The following GNB4 variants were observed in gnomAD, a reference collection of about 807,000 sequenced individuals.
The protein encoded by GNB4 is guanine nucleotide-binding protein subunit beta-4.
In GNB4, 28 loss-of-function variants were observed where a neutral mutation model predicts 45.2. The ratio of observed to expected loss-of-function variants is 0.62; its 90% CI spans 0.46 to 0.85. The LOEUF is 0.85. Among genes scored for constraint, GNB4 ranks in the 40% least tolerant of loss-of-function variants. GNB4 has a pLI of 0.00. For synonymous variants in GNB4, 132 were observed against 143.7 expected (o/e 0.92, Z 0.58); for missense variants, 321 against 425.4 (o/e 0.75, Z 2.16).
At chr3:179,505,957 A>G in the GNB4 span, among the ~76,000 whole-genome samples, 1 of 152,230 alleles carries the variant, frequency 6.6e-6, no homozygotes, top group East Asian at 1.9e-4. Flanking sequence ...GGTGTTTGTT[A>G]CTGCTGCACA....
chr3:179,404,833 C>T (rs1031405300), intron 9 of GNB4, among the ~76,000 whole-genome samples: 1 of 152,110 alleles, frequency 6.6e-6, no homozygotes, highest in African/African-American at 2.4e-5. Context: ...CTGTCCCATA[C>T]AAGATCTGCT....
the GNB4 span, among the ~76,000 whole-genome samples, chr3:179,488,508 G>C: frequency 6.6e-6 from 1 of 152,234 alleles, no homozygotes; most frequent in East Asian, 1.9e-4. Flanking sequence ...TACACTTCCT[G>C]CCTATAGGTT....
the GNB4 span, among the ~76,000 whole-genome samples, chr3:179,457,246 T>C: frequency 6.6e-6 from 1 of 152,226 alleles, no homozygotes; most frequent in Non-Finnish European, 1.5e-5. Flanking sequence ...TTCCTCTAAA[T>C]GGACCAGGAT....
chr3:179,415,979 A>G (rs1343302501), intron 5 of GNB4, among the ~76,000 whole-genome samples: 3 of 145,840 alleles, frequency 2.1e-5, no homozygotes, highest in Non-Finnish European at 3.1e-5. Context: ...TCACCACTCA[A>G]CTATTTTAAA....
chr3:179,511,035 G>T, the GNB4 span, among the ~76,000 whole-genome samples: 1 of 152,150 alleles, frequency 6.6e-6, no homozygotes, highest in East Asian at 1.9e-4. Flanking sequence ...CCACTGCCAT[G>T]GGAGGTGTGT....
In GNB4 at chr3:179,397,313, A is replaced by G. The variant is rs1398301067; in HGVS notation, c.*3900T>C. On this transcript the variant is annotated 3_prime_UTR_variant, in exon 10 of 10. Coordinates refer to ENST00000232564, the MANE Select transcript of GNB4 (RefSeq NM_021629.4). The stretch of plus-strand genomic sequence containing the variant: ...TCTTATTATTAAATCCAAAATACCA[A>G]AAGTATTAGAGGAGCTAGTTATACA... 6.6e-6 allele frequency: 1 copy of G among 152,258 alleles called. No homozygotes were observed. The highest frequency in any genetic ancestry group is 2.4e-5 in the African/African-American group (1 of 41,466). 9.4% of individuals were successfully genotyped at this position (152,258 alleles called of 1,614,324 possible).
At chr3:179,453,332 G>A (rs1715931179), upstream of GNB4, among the ~76,000 whole-genome samples, 1 of 152,158 alleles carries the variant, frequency 6.6e-6, no homozygotes, top group Admixed American at 6.5e-5. Context: ...GTGTTGACCA[G>A]GCTGGTCTCA....
At chr3:179,469,632 C>A in the GNB4 span, among the ~76,000 whole-genome samples, 1 of 152,040 alleles carries the variant, frequency 6.6e-6, no homozygotes, top group Non-Finnish European at 1.5e-5. Flanking sequence ...ATTAAAAGGT[C>A]CTATGTAATT....
chr3:179,474,677 T>C, the GNB4 span, among the ~76,000 whole-genome samples: 1 of 151,284 alleles, frequency 6.6e-6, no homozygotes, highest in African/African-American at 2.4e-5. Flanking sequence ...CCTGGAGTCA[T>C]GTTGCCCACA....
chr3:179,466,398 A>C, the GNB4 span, among the ~76,000 whole-genome samples: 22 of 152,224 alleles, frequency 1.4e-4, 2 homozygotes, highest in East Asian at 5.8e-4. Flanking sequence ...TTCCTTGTCT[A>C]TTTTGGCTTT....
the GNB4 span, among the ~76,000 whole-genome samples, chr3:179,505,021 A>G: frequency 6.6e-6 from 1 of 152,202 alleles, no homozygotes; most frequent in Non-Finnish European, 1.5e-5. Flanking sequence ...CCTCCCTACC[A>G]AAAGAATAGT....
the GNB4 span, among the ~76,000 whole-genome samples, chr3:179,469,468 A>G: frequency 1.3e-5 from 2 of 152,232 alleles, no homozygotes; most frequent in African/African-American, 2.4e-5. Flanking sequence ...ACAACAAACT[A>G]TGAAAACATA....
the GNB4 span, among the ~76,000 whole-genome samples, chr3:179,518,423 C>A: frequency 3.9e-5 from 6 of 151,940 alleles, no homozygotes; most frequent in African/African-American, 1.5e-4. Context: ...TCCCGCCTGT[C>A]CCCTCAGCCC....
chr3:179,465,010 C>A, the GNB4 span: 1 of 1,530,262 alleles, frequency 6.5e-7, no homozygotes, highest in East Asian at 2.3e-5. Context: ...ATGAACGTCC[C>A]GGAGGTGATG....
chr3:179,491,411 G>A, the GNB4 span, among the ~76,000 whole-genome samples: 28 of 152,198 alleles, frequency 1.8e-4, no homozygotes, highest in Admixed American at 5.9e-4. Flanking sequence ...ACAAAGAGCA[G>A]AAGGATCACA....
the GNB4 span, among the ~76,000 whole-genome samples, chr3:179,494,851 T>C: frequency 7.7e-6 from 1 of 129,786 alleles, no homozygotes; most frequent in Non-Finnish European, 1.5e-5. Context: ...GAGCTTGCAG[T>C]GAGCCGAGAT....
chr3:179,418,216 T>C (rs1267352407), intron 4 of GNB4, among the ~76,000 whole-genome samples: 1 of 152,058 alleles, frequency 6.6e-6, no homozygotes, highest in Non-Finnish European at 1.5e-5. Flanking sequence ...ACCTGATTAA[T>C]CCCAGCACTT....
At chr3:179,471,388 A>G in the GNB4 span, among the ~76,000 whole-genome samples, 1 of 152,156 alleles carries the variant, frequency 6.6e-6, no homozygotes, top group African/African-American at 2.4e-5. Context: ...ATTCATGGTA[A>G]GTGCCTTATA....
chr3:179,417,342 G>C (rs959352334), intron 4 of GNB4, among the ~76,000 whole-genome samples: 6 of 152,010 alleles, frequency 3.9e-5, no homozygotes, highest in Non-Finnish European at 8.8e-5. Flanking sequence ...ACTGCAGAAA[G>C]CTTTGTTAAA....
Sources: allele counts gnomAD v4.1 joint callset (sites outside exome capture counted in the v4.1 genomes callset), GRCh38; gene constraint gnomAD v4.1.1; transcripts MANE v1.5; gene names NCBI Gene and HGNC (gene_info 2026-07-23, HGNC 2026-07-21).